The following TMEM236 variants were observed in gnomAD, a reference collection of about 807,000 sequenced individuals.
TMEM236 encodes family with sequence similarity 23, member A.
TMEM236 carries 11 observed loss-of-function variants against 14.7 expected under a neutral mutation model. The ratio of observed to expected loss-of-function variants is 0.75; its 90% CI spans 0.47 to 1.24. The LOEUF is 1.24. TMEM236 is among the 50% of genes most tolerant of loss of function. The pLI, the probability that TMEM236 is intolerant of heterozygous loss-of-function variation, is 0.00. For synonymous variants in TMEM236, 182 were observed against 168.6 expected (o/e 1.08, Z -0.62); for missense variants, 464 against 427.3 (o/e 1.09, Z -0.76).
Position 17,795,986 on chromosome 10 carries a change from A to C in TMEM236, c.538A>C (p.Arg180=). ...QHIKTVTEQV[R]QSPENAASPQ... ...CATAAAAACTGTGACGGAGCAAGTGAGGCAAAGTCCAGAAAACGCTGCATC... is the reference window on the plus strand; with the variant it reads ...CATAAAAACTGTGACGGAGCAAGTGCGGCAAAGTCCAGAAAACGCTGCATC... Residue 180 remains arginine, a synonymous_variant, in exon 4 of 4, where the codon AGG becomes CGG. Transcript: ENST00000377495. 4 of 1,613,942 alleles carry C rather than the reference A, an allele frequency of 2.5e-6. No individual in the cohort carries two copies. The highest frequency in any genetic ancestry group is 3.4e-6 in the Non-Finnish European group (4 of 1,179,866).
At position 17,752,264 on chromosome 10, in the gene TMEM236, C is replaced by G; in HGVS notation, c.-32C>G. On this transcript the variant is annotated 5_prime_UTR_variant, in exon 1 of 4. Coordinates refer to ENST00000377495, the MANE Select transcript of TMEM236 (RefSeq NM_001098844.3). Reference sequence around the variant, plus strand: ...TGCTGCCCACAGTCAAAGAGGGAGTCCCAGGTTCTTGGCAGCTTGCTTTTC... The same window carrying G: ...TGCTGCCCACAGTCAAAGAGGGAGTGCCAGGTTCTTGGCAGCTTGCTTTTC... 1 of 1,613,880 alleles carries G rather than the reference C, an allele frequency of 6.2e-7. No homozygotes were observed. The highest frequency in any genetic ancestry group is 8.5e-7 in the Non-Finnish European group (1 of 1,179,846).
rs1838019838 is a variant in TMEM236, at chr10:17,796,622, A to C, written c.*118A>C. On this transcript the variant is annotated 3_prime_UTR_variant, in exon 4 of 4. Coordinates refer to ENST00000377495, the MANE Select transcript of TMEM236 (RefSeq NM_001098844.3). ...TAAAGGAAATGACTAGATTGTAGAG[A>C]ATAAGCCATTTTTACTAACTCTAGC... The C allele has an allele frequency of 1.1e-6, 1 of 906,236 alleles. No homozygotes were observed. The highest frequency in any genetic ancestry group is 1.7e-5 in the African/African-American group (1 of 59,328). The allele number at this position is 906,236 out of a possible 1,614,324, so 56.1% of individuals were successfully genotyped here.
chr10:17,791,721 C>T (rs1837928434), intron 3 of TMEM236, among the ~76,000 whole-genome samples: 1 of 152,216 alleles, frequency 6.6e-6, no homozygotes, highest in South Asian at 2.1e-4. Flanking sequence ...TCAATTCCTA[C>T]TCATTCTTAC....
intron 1 of TMEM236, among the ~76,000 whole-genome samples, chr10:17,757,908 A>G (rs1025697478): frequency 2.7e-4 from 41 of 152,106 alleles, no homozygotes; most frequent in African/African-American, 9.6e-4. Context: ...AGCTGGGATT[A>G]CAGGTGTGCG....
chr10:17,760,307 T>C (rs935874276), intron 1 of TMEM236, among the ~76,000 whole-genome samples: 4,265 of 152,190 alleles, frequency 0.028, 194 homozygotes, highest in African/African-American at 0.096. Flanking sequence ...AAAAATCATA[T>C]ATTTTTGTCC....
intron 1 of TMEM236, among the ~76,000 whole-genome samples, chr10:17,759,541 T>C (rs1220515575): frequency 6.6e-6 from 1 of 152,206 alleles, no homozygotes; most frequent in African/African-American, 2.4e-5. Context: ...GTAACGGTGG[T>C]GGTGATCATA....
intron 1 of TMEM236, among the ~76,000 whole-genome samples, chr10:17,760,982 G>C (rs1837353577): frequency 6.6e-6 from 1 of 152,138 alleles, no homozygotes. Flanking sequence ...GATGAGATTT[G>C]GGTAGAGACC....
intron 1 of TMEM236, among the ~76,000 whole-genome samples, chr10:17,752,767 A>G (rs1379831897): frequency 6.6e-6 from 1 of 151,910 alleles, no homozygotes; most frequent in Non-Finnish European, 1.5e-5. Flanking sequence ...GGTTTTTGCC[A>G]TGTTGGCCAG....
At chr10:17,757,665 A>G (rs1169006659) in intron 1 of TMEM236, among the ~76,000 whole-genome samples, 3 of 151,066 alleles carry the variant, frequency 2.0e-5, no homozygotes, top group Admixed American at 1.3e-4. Context: ...GTCTGATTCC[A>G]TACAATTTCC....
intron 3 of TMEM236, among the ~76,000 whole-genome samples, chr10:17,784,302 T>C (rs1837799932): frequency 6.6e-6 from 1 of 152,232 alleles, no homozygotes; most frequent in Non-Finnish European, 1.5e-5. Flanking sequence ...CATGTTTATT[T>C]ACCTGAGCTG....
At chr10:17,759,776 G>A (rs1837329185) in intron 1 of TMEM236, among the ~76,000 whole-genome samples, 1 of 151,742 alleles carries the variant, frequency 6.6e-6, no homozygotes, top group Non-Finnish European at 1.5e-5. Flanking sequence ...ACTGCCCCAA[G>A]GGGACCATCC....
At chr10:17,777,740 G>T (rs1837682145) in intron 3 of TMEM236, among the ~76,000 whole-genome samples, 1 of 151,318 alleles carries the variant, frequency 6.6e-6, no homozygotes, top group African/African-American at 2.5e-5. Context: ...GTGATGAGTT[G>T]TTTTTTTGTT....
At position 17,794,397 on chromosome 10, in the gene TMEM236, T is replaced by C. The variant is rs978854749; in HGVS notation, c.473-1524T>C. Among the ~76,000 whole-genome samples the C allele has an allele frequency of 3.3e-3, 500 of 152,286 alleles. 3 individuals are homozygous for C. Among genetic ancestry groups the C allele is most frequent in the Middle Eastern group, 0.01 (3 of 294 alleles). ...CTTAGCAACCAAAATGGTGTTTTAG[T>C]GGATAAATGTTTGAAAAAGAACTCG... is the stretch of plus-strand genomic sequence containing the variant. On this transcript the variant is annotated intron_variant, in intron 3 of 3. Transcript: ENST00000377495.
intron 3 of TMEM236, among the ~76,000 whole-genome samples, chr10:17,785,289 G>C (rs879624506): frequency 0.39 from 58,749 of 151,824 alleles, 12,462 homozygotes; most frequent in African/African-American, 0.58. Context: ...GCTCTACCTA[G>C]CGATCAACAG....
intron 1 of TMEM236, among the ~76,000 whole-genome samples, chr10:17,763,875 T>A (rs1589141077): frequency 6.6e-6 from 1 of 152,074 alleles, no homozygotes; most frequent in African/African-American, 2.4e-5. Flanking sequence ...AGCCACAGGA[T>A]CTTGGGCAAA....
At chr10:17,762,582 T>A (rs1290767494) in intron 1 of TMEM236, among the ~76,000 whole-genome samples, 1 of 57,974 alleles carries the variant, frequency 1.7e-5, no homozygotes. Context: ...TTCATATATA[T>A]ATATATATAT....
chr10:17,784,333 A>T (rs1837800367), intron 3 of TMEM236, among the ~76,000 whole-genome samples: 2 of 152,162 alleles, frequency 1.3e-5, no homozygotes, highest in African/African-American at 4.8e-5. Flanking sequence ...TAGACTTCTG[A>T]TTCTATTGTA....
At chr10:17,782,625 T>A (rs1228788501) in intron 3 of TMEM236, among the ~76,000 whole-genome samples, 7 of 152,102 alleles carry the variant, frequency 4.6e-5, no homozygotes, top group African/African-American at 1.7e-4. Flanking sequence ...CTAATTTTTG[T>A]ATTTTTAGTA....
At chr10:17,783,296 G>A (rs910707582) in intron 3 of TMEM236, among the ~76,000 whole-genome samples, 63 of 152,298 alleles carry the variant, frequency 4.1e-4, no homozygotes, top group African/African-American at 1.4e-3. Flanking sequence ...TAATGGGATC[G>A]TATGTACTGT....
Sources: allele counts gnomAD v4.1 joint callset (sites outside exome capture counted in the v4.1 genomes callset), GRCh38; gene constraint gnomAD v4.1.1; transcripts MANE v1.5; gene names NCBI Gene and HGNC (gene_info 2026-07-23, HGNC 2026-07-21).